Variants in KCNK12 observed in about 807,000 individuals in gnomAD.
KCNK12 encodes potassium two pore domain channel subfamily K member 12.
A neutral mutation model predicts 25.3 loss-of-function variants in KCNK12; 6 were observed. The ratio of observed to expected loss-of-function variants is 0.24; its 90% CI spans 0.13 to 0.47. KCNK12 has a LOEUF of 0.47. Among genes scored for constraint, KCNK12 ranks in the 20% least tolerant of loss-of-function variants. KCNK12 has a pLI of 0.99. For missense variants in KCNK12, 444 were observed against 661.7 expected (o/e 0.67, Z 3.61); for synonymous variants, 331 against 311.1 (o/e 1.06, Z -0.67).
intron 1 of KCNK12, chr2:47,527,869 C>A (rs1016634922): frequency 6.6e-6 from 1 of 152,294 alleles, no homozygotes; most frequent in African/African-American, 2.4e-5. Flanking sequence ...ATCAGGTTGG[C>A]AGTATCATGC....
Position 47,520,513 on chromosome 2 carries a change from G to A in KCNK12, c.*394C>T, listed in dbSNP as rs1029369873. The A allele has an allele frequency of 1.2e-5, 2 of 166,536 alleles. No individual in the cohort carries two copies. The highest frequency in any genetic ancestry group is 2.6e-5 in the Non-Finnish European group (2 of 78,118). The allele number at this position is 166,536 out of a possible 1,614,324, so 10.3% of individuals were successfully genotyped here. ...CTGGGCCAGGATTCTAAATGCTGAG[G>A]AGGTAATTCAGAGCCACGAAAAGTT... On this transcript the variant is annotated 3_prime_UTR_variant, in exon 2 of 2. Transcript: ENST00000327876. The surrounding 1 kb of genome is among the most constrained non-coding windows in gnomAD (Gnocchi z 5.0).
rs1665823108 is a variant in KCNK12, at chr2:47,510,860, C to T, written c.*10047G>A. The T allele has an allele frequency of 6.6e-6, 1 of 152,218 alleles. No individual in the cohort carries two copies. The highest frequency in any genetic ancestry group is 2.4e-5 in the African/African-American group (1 of 41,444). The allele number at this position is 152,218 out of a possible 1,614,324, so 9.4% of individuals were successfully genotyped here. On this transcript the variant is annotated 3_prime_UTR_variant, in exon 2 of 2. Coordinates refer to ENST00000327876, the MANE Select transcript of KCNK12 (RefSeq NM_022055.2). ...AAAGGAATGAAGGGCCGGAGAAGTA[C>T]AGCTGGGTGAAGCACAGAGCAGCCT...
intron 1 of KCNK12, chr2:47,535,064 G>A (rs533371655): frequency 3.1e-5 from 7 of 229,278 alleles, no homozygotes; most frequent in African/African-American, 4.4e-5. Context: ...CAGAGCCCTC[G>A]GGGACGACTC....
At chr2:47,536,260 G>C (rs1669064980) in intron 1 of KCNK12, among the ~76,000 whole-genome samples, 1 of 152,186 alleles carries the variant, frequency 6.6e-6, no homozygotes. Flanking sequence ...AGCACTTTCA[G>C]CTCACCAGGC....
At chr2:47,559,677 A>G (rs1265927536) in intron 1 of KCNK12, among the ~76,000 whole-genome samples, 3 of 152,158 alleles carry the variant, frequency 2.0e-5, no homozygotes, top group Non-Finnish European at 4.4e-5. Flanking sequence ...CATACCTACT[A>G]TGTGCTGGGC....
intron 1 of KCNK12, among the ~76,000 whole-genome samples, chr2:47,524,064 G>T (rs1033287876): frequency 6.6e-6 from 1 of 152,182 alleles, no homozygotes; most frequent in Non-Finnish European, 1.5e-5. Flanking sequence ...TACGCTTAAT[G>T]ACTCAGGTGA....
chr2:47,515,031 G>A lies in KCNK12; in HGVS notation c.*5876C>T, dbSNP rs1030286714. ...TGGAGTGTCATATGAAATGTTATAG[G>A]AATCACAGGCCTTAGAACTTGAAAG... On this transcript the variant is annotated 3_prime_UTR_variant, in exon 2 of 2. Transcript: ENST00000327876. Among the ~76,000 whole-genome samples, 10 of 152,126 alleles carry A rather than the reference G, an allele frequency of 6.6e-5. No individual in the cohort carries two copies. Among genetic ancestry groups the A allele is most frequent in the African/African-American group, 2.4e-4 (10 of 41,424 alleles).
At position 47,517,730 on chromosome 2, in the gene KCNK12, AAG is replaced by A. The variant is rs1197174750; in HGVS notation, c.*3175_*3176del. 2.6e-5 allele frequency: 4 copies of A among 152,028 alleles called. No homozygotes were observed. Among genetic ancestry groups the A allele is most frequent in the African/African-American group, 9.7e-5 (4 of 41,378 alleles). The allele number at this position is 152,028 out of a possible 1,614,324, so 9.4% of individuals were successfully genotyped here. On this transcript the variant is annotated 3_prime_UTR_variant, in exon 2 of 2. Coordinates refer to ENST00000327876, the MANE Select transcript of KCNK12 (RefSeq NM_022055.2). The surrounding 1 kb of genome is among the most constrained non-coding windows in gnomAD (Gnocchi z 4.1). ...GGCACTGCTTCATTCAGAGGACACA[AAG>A]GCCTGACCACCTGGCTTTAGCAAGC... is the stretch of plus-strand genomic sequence containing the variant.
At position 47,520,472 on chromosome 2, in the gene KCNK12, G is replaced by C. The variant is rs1668627370; in HGVS notation, c.*435C>G. 1 of 156,118 alleles carries C rather than the reference G, an allele frequency of 6.4e-6. No individual in the cohort carries two copies. Among genetic ancestry groups the C allele is most frequent in the African/African-American group, 2.4e-5 (1 of 41,626 alleles). The allele number at this position is 156,118 out of a possible 1,614,324, so 9.7% of individuals were successfully genotyped here. A position where few individuals can be genotyped will look rare whatever the true frequency, so the allele number is the denominator to read the frequency against. On this transcript the variant is annotated 3_prime_UTR_variant, in exon 2 of 2. Coordinates refer to ENST00000327876, the MANE Select transcript of KCNK12 (RefSeq NM_022055.2). The surrounding 1 kb of genome is among the most constrained non-coding windows in gnomAD (Gnocchi z 5.0). ...GTGACTATATCACTTCTGACGACCA[G>C]AAGGAAGCTGCTAGGCTGGGCCAGG...
In KCNK12 at chr2:47,514,155, T is replaced by G. The variant is rs1285358285; in HGVS notation, c.*6752A>C. On this transcript the variant is annotated 3_prime_UTR_variant, in exon 2 of 2. Coordinates refer to ENST00000327876, the MANE Select transcript of KCNK12 (RefSeq NM_022055.2). The surrounding 1 kb of genome is among the most constrained non-coding windows in gnomAD (Gnocchi z 5.0). ...CTGTTCTTCCCACACACTGCTCCTC[T>G]GCCTGGGCCACTCTTCCTGCTCCTT... is the stretch of plus-strand genomic sequence containing the variant. 6.6e-6 allele frequency among the ~76,000 whole-genome samples: 1 copy of G among 152,188 alleles called. No homozygotes were observed. The highest frequency in any genetic ancestry group is 1.5e-5 in the Non-Finnish European group (1 of 68,032).
chr2:47,521,887 C>A, intron 1 of KCNK12, 79 bp from the exon 2 acceptor site: 4 of 270,358 alleles, frequency 1.5e-5, no homozygotes, highest in Non-Finnish European at 2.0e-5. Context: ...GGTGTGGGGG[C>A]GGGGGCATGC....
Position 47,551,329 on chromosome 2 carries a change from C to T in KCNK12, c.391+18612G>A, listed in dbSNP as rs1285179341. 1.3e-5 allele frequency among the ~76,000 whole-genome samples: 2 copies of T among 152,220 alleles called. No homozygotes were observed. Among genetic ancestry groups the T allele is most frequent in the African/African-American group, 2.4e-5 (1 of 41,446 alleles). ...ATTCCAAGCCTCCACTCAGGGGTCA[C>T]ATCATCCAAGAGACCCTTTCAGACC... On this transcript the variant is annotated intron_variant, in intron 1 of 1. Transcript: ENST00000327876. The surrounding 1 kb of genome is among the most constrained non-coding windows in gnomAD (Gnocchi z 5.3).
In KCNK12 at chr2:47,570,408, G is replaced by T; in HGVS notation, c.-77C>A. The stretch of plus-strand genomic sequence containing the variant: ...ACATCCCCCCGGCGGGAGCAGGAGC[G>T]TGAGGATGGTGGCCAGGGGTCCGGG... On this transcript the variant is annotated 5_prime_UTR_variant, in exon 1 of 2. Coordinates refer to ENST00000327876, the MANE Select transcript of KCNK12 (RefSeq NM_022055.2). The T allele has an allele frequency of 3.3e-6, 4 of 1,202,196 alleles. No individual in the cohort carries two copies. The highest frequency in any genetic ancestry group is 4.1e-6 in the Non-Finnish European group (4 of 969,520). 74.5% of individuals were successfully genotyped at this position (1,202,196 alleles called of 1,614,324 possible). A position where few individuals can be genotyped will look rare whatever the true frequency, so the allele number is the denominator to read the frequency against.
In KCNK12 at chr2:47,541,737, G is replaced by A. The variant is rs910536997; in HGVS notation, c.392-19929C>T. Among the ~76,000 whole-genome samples the A allele has an allele frequency of 5.9e-5, 9 of 152,336 alleles. No individual in the cohort carries two copies. In the South Asian group the frequency reaches 6.2e-4, roughly 11 times the overall value. On this transcript the variant is annotated intron_variant, in intron 1 of 1. Coordinates refer to ENST00000327876, the MANE Select transcript of KCNK12 (RefSeq NM_022055.2). ...TACAGACATACACAAGGAAAACCAC[G>A]TGAAGATATGGAGAAGGTGGTTGTC...
At chr2:47,537,764 G>A (rs1277650284) in intron 1 of KCNK12, among the ~76,000 whole-genome samples, 1 of 152,334 alleles carries the variant, frequency 6.6e-6, no homozygotes, top group South Asian at 2.1e-4. Context: ...AAATAAAAAT[G>A]AATAAGATAT....
chr2:47,547,713 T>G lies in KCNK12; in HGVS notation c.391+22228A>C, dbSNP rs1258738030. Reference sequence around the variant, plus strand: ...CCCTGTTTCAAGCGAGTCTCCTGCCTCAGCCTCCCAAATAGCTGGGATTAG... The same window carrying G: ...CCCTGTTTCAAGCGAGTCTCCTGCCGCAGCCTCCCAAATAGCTGGGATTAG... On this transcript the variant is annotated intron_variant, in intron 1 of 1. Coordinates refer to ENST00000327876, the MANE Select transcript of KCNK12 (RefSeq NM_022055.2). This position sits in a 1 kb window ranked among gnomAD's most constrained non-coding sequence, Gnocchi z 5.0. Among the ~76,000 whole-genome samples the G allele has an allele frequency of 6.6e-6, 1 of 152,210 alleles. No homozygotes were observed. The highest frequency in any genetic ancestry group is 1.5e-5 in the Non-Finnish European group (1 of 68,038).
chr2:47,566,476 C>G lies in KCNK12; in HGVS notation c.391+3465G>C, dbSNP rs1669789897. On this transcript the variant is annotated intron_variant, in intron 1 of 1. Coordinates refer to ENST00000327876, the MANE Select transcript of KCNK12 (RefSeq NM_022055.2). This position sits in a 1 kb window ranked among gnomAD's most constrained non-coding sequence, Gnocchi z 4.1. ...CACTGGTGCAAAAAAGGGCAGAAAG[C>G]AAGTGACTTCTGTCCTTAGACCACA... 6.6e-6 allele frequency: 1 copy of G among 152,038 alleles called. No individual in the cohort carries two copies. The highest frequency in any genetic ancestry group is 1.5e-5 in the Non-Finnish European group (1 of 68,010). 9.4% of individuals were successfully genotyped at this position (152,038 alleles called of 1,614,324 possible).
At position 47,570,197 on chromosome 2, in the gene KCNK12, G is replaced by A. The variant is rs1558569009; in HGVS notation, c.135C>T (p.Leu45=). 6 of 1,498,436 alleles carry A rather than the reference G, an allele frequency of 4.0e-6. No individual in the cohort carries two copies. Among genetic ancestry groups the A allele is most frequent in the South Asian group, 1.2e-5 (1 of 81,366 alleles). The allele number at this position is 1,498,436 out of a possible 1,614,324, so 92.8% of individuals were successfully genotyped here. The part of the protein sequence containing the change: ...DTGRFVLLAA[L]IGLYLVAGAT... ...CACCCGCCACCAGGTAGAGGCCGATGAGCGCCGCCAGCAGCACGAAGCGGC... is the reference window on the plus strand; with the variant it reads ...CACCCGCCACCAGGTAGAGGCCGATAAGCGCCGCCAGCAGCACGAAGCGGC... Residue 45 remains leucine (L), a synonymous_variant, in exon 1 of 2, where the codon CTC becomes CTT. Coordinates refer to ENST00000327876, the MANE Select transcript of KCNK12 (RefSeq NM_022055.2).
rs972458934 is a variant in KCNK12, at chr2:47,548,052, C to G, written c.391+21889G>C. ...AGTGTGTAGCACCTTCCCCTTTGCT[C>G]TCTTCCTCCTGCTCCAGCCATGAAG... On this transcript the variant is annotated intron_variant, in intron 1 of 1. Transcript: ENST00000327876. The surrounding 1 kb of genome is among the most constrained non-coding windows in gnomAD (Gnocchi z 4.4). Among the ~76,000 whole-genome samples, 1 of 152,148 alleles carries G rather than the reference C, an allele frequency of 6.6e-6. No individual in the cohort carries two copies. The highest frequency in any genetic ancestry group is 1.5e-5 in the Non-Finnish European group (1 of 68,036).
Sources: gnomAD v4.1 joint callset for allele counts (sites outside exome capture counted in the v4.1 genomes callset) on GRCh38, gnomAD v4.1.1 for gene constraint, Gnocchi (gnomAD v3.1) non-coding constraint, MANE v1.5 for transcripts, NCBI Gene and HGNC (gene_info 2026-07-23, HGNC 2026-07-21) for gene names.